UBA6: variants seen among roughly 807,000 people sequenced by gnomAD.
UBA6 encodes ubiquitin-like modifier-activating enzyme 6.
In UBA6, 87 loss-of-function variants were observed where a neutral mutation model predicts 148.3. The observed-to-expected ratio is 0.59, with a 90% CI of 0.49 to 0.70. The LOEUF (loss-of-function observed/expected upper bound fraction) is 0.70. UBA6 is among the 30% of genes least tolerant of loss of function. The pLI is 0.00. For missense variants in UBA6, 1,186 were observed against 1,241.2 expected (o/e 0.96, Z 0.67); for synonymous variants, 376 against 401.0 (o/e 0.94, Z 0.75).
Position 67,617,553 on chromosome 4 carries a change from T to A in UBA6, c.*1444A>T, listed in dbSNP as rs1728655013. Reference sequence around the variant, plus strand: ...ATTCACTCTCCACTTCCACATACATTTTCCCCACTTGATGGTACTTTTACA... The same window carrying A: ...ATTCACTCTCCACTTCCACATACATATTCCCCACTTGATGGTACTTTTACA... On this transcript the variant is annotated 3_prime_UTR_variant, in exon 33 of 33. Transcript: ENST00000322244. 6.6e-6 allele frequency: 1 copy of A among 152,106 alleles called. No individual in the cohort carries two copies. Among genetic ancestry groups the A allele is most frequent in the Admixed American group, 6.5e-5 (1 of 15,270 alleles). 9.4% of individuals were successfully genotyped at this position (152,106 alleles called of 1,614,324 possible).
intron 29 of UBA6, 143 bp downstream of exon 29, chr4:67,624,851 A>T: frequency 3.2e-6 from 2 of 625,972 alleles, no homozygotes; most frequent in South Asian, 7.0e-5. Context: ...ATTTTCAGAA[A>T]ATATTTTGAA....
rs534961650 is a variant in UBA6 at position 67,635,988 on chromosome 4, C to A, written c.1737-430G>T. 4.2e-4 allele frequency among the ~76,000 whole-genome samples: 64 copies of A among 152,188 alleles called. 1 individual carries two copies. The highest frequency in any genetic ancestry group is 4.1e-3 in the South Asian group (20 of 4,824). On this transcript the variant is annotated intron_variant, in intron 19 of 32. Coordinates refer to ENST00000322244, the MANE Select transcript of UBA6 (RefSeq NM_018227.6). Reference sequence around the variant, plus strand: ...TTTTTTAAAGTTTTATTTTCTTCCCCTCTTTGGCCCAAGATTACATACTTT... The same window carrying A: ...TTTTTTAAAGTTTTATTTTCTTCCCATCTTTGGCCCAAGATTACATACTTT...
At chr4:67,622,037 C>G (rs568021397) in intron 32 of UBA6, among the ~76,000 whole-genome samples, 1 of 152,000 alleles carries the variant, frequency 6.6e-6, no homozygotes, top group Non-Finnish European at 1.5e-5. Context: ...GAGGGAACAA[C>G]TAAAGCAAAG....
At chr4:67,687,223 A>C (rs1204135522) in intron 2 of UBA6, among the ~76,000 whole-genome samples, 1 of 151,556 alleles carries the variant, frequency 6.6e-6, no homozygotes, top group Non-Finnish European at 1.5e-5. Flanking sequence ...TTTAGTAGAG[A>C]GGGGGTTTCA....
chr4:67,660,111 G>A (rs1321450788), intron 13 of UBA6, among the ~76,000 whole-genome samples: 1 of 152,112 alleles, frequency 6.6e-6, no homozygotes, highest in East Asian at 1.9e-4. Flanking sequence ...AAGATGGTTT[G>A]GAATTGGAAT....
chr4:67,621,690 C>G (rs781716041), intron 32 of UBA6, among the ~76,000 whole-genome samples: 14 of 151,940 alleles, frequency 9.2e-5, no homozygotes, highest in Non-Finnish European at 1.5e-5. Context: ...GTCATCCCAG[C>G]TATACTCGGG....
At chr4:67,692,328 GA>G (rs1730713461) in intron 2 of UBA6, among the ~76,000 whole-genome samples, 1 of 152,074 alleles carries the variant, frequency 6.6e-6, no homozygotes, top group Admixed American at 6.6e-5. Flanking sequence ...GCTCTATTTT[GA>G]AAAAAATTGC....
intron 19 of UBA6, among the ~76,000 whole-genome samples, chr4:67,636,032 A>C (rs1729130495): frequency 6.6e-6 from 1 of 152,062 alleles, no homozygotes; most frequent in Non-Finnish European, 1.5e-5. Context: ...TTCAACTGAT[A>C]AATTCTCCCC....
At chr4:67,647,421 C>T (rs1019888914) in intron 14 of UBA6, among the ~76,000 whole-genome samples, 1 of 152,110 alleles carries the variant, frequency 6.6e-6, no homozygotes, top group African/African-American at 2.4e-5. Flanking sequence ...GCTGGTATTA[C>T]AGGCATGAGC....
chr4:67,649,224 C>T lies in UBA6; in HGVS notation c.1105-13G>A, dbSNP rs1164763915. ...CATTTACATCAGGCTAAAACAAAAG[C>T]CATAAAAGACAATAACATTAACAGC... On this transcript the variant is annotated splice_polypyrimidine_tract_variant and intron_variant, in intron 13 of 32. Coordinates refer to ENST00000322244, the MANE Select transcript of UBA6 (RefSeq NM_018227.6). The T allele has an allele frequency of 2.8e-5, 44 of 1,595,282 alleles. No homozygotes were observed. Among genetic ancestry groups the T allele is most frequent in the Admixed American group, 5.3e-5 (3 of 56,770 alleles).
At chr4:67,637,150 G>T (rs1313870012) in intron 19 of UBA6, among the ~76,000 whole-genome samples, 1 of 150,900 alleles carries the variant, frequency 6.6e-6, no homozygotes, top group Non-Finnish European at 1.5e-5. Flanking sequence ...GAGCGTCTCC[G>T]CCCGGCAGCC....
chr4:67,678,531 T>G lies in UBA6; in HGVS notation c.261A>C (p.Ala87=). ...AKNLVLAGIK[A]VTIHDTEKCQ... ...ATTTTTCTGTATCATGAATTGTAAC[T>G]GCCTTCAAAAAAGAAAAAAGTATTG... is the stretch of plus-strand genomic sequence containing the variant. The change falls in exon 5 of 33, where the codon GCA becomes GCC. Residue 87 remains alanine, a splice_region_variant and synonymous_variant. Coordinates refer to ENST00000322244, the MANE Select transcript of UBA6 (RefSeq NM_018227.6). 6.3e-7 allele frequency: 1 copy of G among 1,583,432 alleles called. No homozygotes were observed. The highest frequency in any genetic ancestry group is 8.6e-7 in the Non-Finnish European group (1 of 1,162,108).
chr4:67,669,085 A>C (rs1291710783), intron 8 of UBA6, among the ~76,000 whole-genome samples: 2 of 152,204 alleles, frequency 1.3e-5, no homozygotes, highest in African/African-American at 2.4e-5. Flanking sequence ...TAGAAATTTT[A>C]AAGATGGGAA....
intron 11 of UBA6, 146 bp from the exon 12 acceptor site, chr4:67,663,361 A>T: frequency 1.8e-6 from 1 of 542,274 alleles, no homozygotes; most frequent in Admixed American, 2.9e-5. Context: ...ACAAATAAGA[A>T]ACCTGAAGGT....
intron 13 of UBA6, among the ~76,000 whole-genome samples, chr4:67,654,707 G>A (rs1729640024): frequency 8.6e-6 from 1 of 116,420 alleles, no homozygotes; most frequent in Non-Finnish European, 2.0e-5. Context: ...AAATGTAAAT[G>A]GGCTAAATAC....
rs1383157368 is a variant in UBA6, at chr4:67,613,283, T to G, written c.*5714A>C. On this transcript the variant is annotated 3_prime_UTR_variant, in exon 33 of 33. Transcript: ENST00000322244. ...AGTTATTTCTAGTTTTTTCAAACAATATTGGTAAATAATTAAAGGTAACCA... is the reference window on the plus strand; with the variant it reads ...AGTTATTTCTAGTTTTTTCAAACAAGATTGGTAAATAATTAAAGGTAACCA... 1.4e-4 allele frequency: 21 copies of G among 152,286 alleles called. No homozygotes were observed. In the East Asian group the frequency reaches 1.7e-3, roughly 13 times the overall value. The allele number at this position is 152,286 out of a possible 1,614,324, so 9.4% of individuals were successfully genotyped here. A position where few individuals can be genotyped will look rare whatever the true frequency, so the allele number is the denominator to read the frequency against.
chr4:67,688,686 A>G (rs1398136798), intron 2 of UBA6, among the ~76,000 whole-genome samples: 1 of 152,098 alleles, frequency 6.6e-6, no homozygotes, highest in Non-Finnish European at 1.5e-5. Context: ...CTCCAGAAAG[A>G]TGCTTTGTTC....
intron 10 of UBA6, among the ~76,000 whole-genome samples, 173 bp from the exon 11 acceptor site, chr4:67,664,120 C>T (rs1213464088): frequency 6.6e-6 from 1 of 151,682 alleles, no homozygotes. Flanking sequence ...ATTATTATGA[C>T]CATACTTAAA....
rs140398587 is a variant in UBA6 at position 67,670,542 on chromosome 4, G to A, written c.597C>T (p.Phe199=). Residue 199 remains phenylalanine, a synonymous_variant, in exon 8 of 33, where the codon TTC becomes TTT. Coordinates refer to ENST00000322244, the MANE Select transcript of UBA6 (RefSeq NM_018227.6). The part of the protein sequence containing the change: ...HGIWSRLFCD[F]GDEFEVLDTT... ...TATCTAAAACTTCAAATTCATCACC[G>A]AAATCACAAAATAACCTTGACCAAA... 29 of 1,609,366 alleles carry A rather than the reference G, an allele frequency of 1.8e-5. No individual in the cohort carries two copies. Among genetic ancestry groups the A allele is most frequent in the African/African-American group, 2.7e-5 (2 of 74,780 alleles).
Sources: allele counts gnomAD v4.1 joint callset (sites outside exome capture counted in the v4.1 genomes callset), GRCh38; gene constraint gnomAD v4.1.1; transcripts MANE v1.5; gene names NCBI Gene and HGNC (gene_info 2026-07-23, HGNC 2026-07-21).